SMOC2: variants seen among roughly 807,000 people sequenced by gnomAD.
SMOC2 encodes SPARC related modular calcium binding 2.
In SMOC2, 39 loss-of-function variants were observed where a neutral mutation model predicts 61.4. The observed-to-expected ratio is 0.64, with a 90% CI of 0.49 to 0.83. The LOEUF is 0.83. Ranked by LOEUF, SMOC2 falls within the 40% of genes least tolerant of loss-of-function variation. SMOC2 has a pLI of 0.00. For missense variants in SMOC2, 556 were observed against 592.9 expected (o/e 0.94, Z 0.65); for synonymous variants, 247 against 239.9 (o/e 1.03, Z -0.27).
chr6:168,529,226 C>T (rs186994963), intron 4 of SMOC2, among the ~76,000 whole-genome samples: 231 of 152,252 alleles, frequency 1.5e-3, no homozygotes, highest in Middle Eastern at 3.4e-3. Context: ...TAACTGCCTA[C>T]GTGGAACGTT....
At chr6:168,565,241 T>C (rs1317883989) in intron 7 of SMOC2, among the ~76,000 whole-genome samples, 2 of 152,210 alleles carry the variant, frequency 1.3e-5, no homozygotes, top group African/African-American at 4.8e-5. Context: ...AGGGCTGCTG[T>C]AACAAGTAGC....
rs1378757917 is a variant in SMOC2, at chr6:168,474,895, C to T, written c.84+33441C>T. On this transcript the variant is annotated intron_variant, in intron 1 of 12. Coordinates refer to ENST00000356284, the MANE Select transcript of SMOC2 (RefSeq NM_001166412.2). ...TAAAGAGGTTTTGACTGCTAAACTA[C>T]AGTTTCATACTTATGGGGATGCATT... Among the ~76,000 whole-genome samples, 10 of 152,288 alleles carry T rather than the reference C, an allele frequency of 6.6e-5. No individual in the cohort carries two copies. The East Asian group carries it at 1.7e-3, about 26-fold the overall frequency.
intron 7 of SMOC2, among the ~76,000 whole-genome samples, chr6:168,557,346 C>T (rs1043634205): frequency 1.5e-4 from 23 of 152,100 alleles, no homozygotes; most frequent in Admixed American, 2.6e-4. Context: ...CAAAAATATG[C>T]ATAACTAAAT....
At chr6:168,602,149 ACT>A (rs1169890972) in intron 8 of SMOC2, among the ~76,000 whole-genome samples, 2 of 152,226 alleles carry the variant, frequency 1.3e-5, no homozygotes, top group South Asian at 2.1e-4. Context: ...TGCGGTTTAC[ACT>A]CTTCCAGGGG....
At chr6:168,515,457 C>G (rs1465332442) in intron 2 of SMOC2, among the ~76,000 whole-genome samples, 1 of 27,970 alleles carries the variant, frequency 3.6e-5, no homozygotes, top group East Asian at 0.071. Flanking sequence ...CGTCCGCTTT[C>G]CGCTCCACGA....
chr6:168,653,421 C>G (rs925805602), intron 11 of SMOC2, among the ~76,000 whole-genome samples, 193 bp downstream of exon 11: 1 of 152,236 alleles, frequency 6.6e-6, no homozygotes, highest in Non-Finnish European at 1.5e-5. Context: ...TGCCACTTGC[C>G]CAGGAGAGCC....
intron 9 of SMOC2, among the ~76,000 whole-genome samples, chr6:168,643,251 A>T (rs1786938018): frequency 6.6e-6 from 1 of 152,044 alleles, no homozygotes; most frequent in Admixed American, 6.5e-5. Context: ...ACACTTTAAA[A>T]CAGAAACAAG....
intron 7 of SMOC2, among the ~76,000 whole-genome samples, chr6:168,560,577 T>G (rs372903846): frequency 1.5e-4 from 9 of 58,468 alleles, no homozygotes; most frequent in Admixed American, 1.7e-4. Context: ...ACTGCATTCT[T>G]GGAGGAGGTG....
chr6:168,608,388 A>T, intron 9 of SMOC2, 149 bp downstream of exon 9: 1 of 883,080 alleles, frequency 1.1e-6, no homozygotes, highest in Admixed American at 2.7e-5. Flanking sequence ...GAGGGCCCTG[A>T]GTCCAGGCAG....
At chr6:168,547,516 A>C (rs533063507) in intron 6 of SMOC2, among the ~76,000 whole-genome samples, 1 of 152,162 alleles carries the variant, frequency 6.6e-6, no homozygotes, top group Non-Finnish European at 1.5e-5. Context: ...CGAGGAATCT[A>C]GTTAGTGATG....
intron 2 of SMOC2, among the ~76,000 whole-genome samples, chr6:168,514,246 C>T (rs537861661): frequency 4.1e-5 from 6 of 144,848 alleles, no homozygotes; most frequent in African/African-American, 1.3e-4. Context: ...GACTCAAGGA[C>T]ACACAGCGCC....
At chr6:168,634,948 T>C (rs758521437) in intron 9 of SMOC2, among the ~76,000 whole-genome samples, 9 of 152,238 alleles carry the variant, frequency 5.9e-5, no homozygotes, top group Non-Finnish European at 1.0e-4. Flanking sequence ...ATACATTACT[T>C]TCAGAGGCCA....
chr6:168,556,448 C>A (rs964783885), intron 7 of SMOC2, among the ~76,000 whole-genome samples: 2 of 152,170 alleles, frequency 1.3e-5, no homozygotes, highest in African/African-American at 4.8e-5. Flanking sequence ...CTCGTGGCCT[C>A]GCAGACTGTG....
chr6:168,613,354 G>C (rs1038300393), intron 9 of SMOC2, among the ~76,000 whole-genome samples: 1 of 152,180 alleles, frequency 6.6e-6, no homozygotes, highest in Non-Finnish European at 1.5e-5. Context: ...TGGCACCAGT[G>C]TGAGGACAGA....
At chr6:168,547,948 C>A (rs145667006) in intron 6 of SMOC2, among the ~76,000 whole-genome samples, 1 of 152,124 alleles carries the variant, frequency 6.6e-6, no homozygotes, top group Admixed American at 6.5e-5. Context: ...TTACATTTCA[C>A]GTCTTTACAA....
chr6:168,465,924 G>T (rs1781821539), intron 1 of SMOC2, among the ~76,000 whole-genome samples: 1 of 123,670 alleles, frequency 8.1e-6, no homozygotes, highest in African/African-American at 3.2e-5. Context: ...AGCTGGAACT[G>T]GGGGGCTCTG....
intron 4 of SMOC2, among the ~76,000 whole-genome samples, chr6:168,539,053 C>T (rs1783817230): frequency 6.6e-6 from 1 of 152,166 alleles, no homozygotes; most frequent in African/African-American, 2.4e-5. Context: ...TTGGGCAGTG[C>T]TCAGTAACTG....
In SMOC2 at chr6:168,540,712, C is replaced by A. The variant is rs146415811; in HGVS notation, c.464-2913C>A. 6.7e-4 allele frequency among the ~76,000 whole-genome samples: 102 copies of A among 152,306 alleles called. 1 individual carries two copies. Among genetic ancestry groups the A allele is most frequent in the Middle Eastern group, 3.4e-3 (1 of 294 alleles). On this transcript the variant is annotated intron_variant, in intron 4 of 12. Coordinates refer to ENST00000356284, the MANE Select transcript of SMOC2 (RefSeq NM_001166412.2). Reference sequence around the variant, plus strand: ...AGGAACCTTGAGAAAAGCCCAATAGCACAGAGACGCCGTCTAGACCAGAGA... The same window carrying A: ...AGGAACCTTGAGAAAAGCCCAATAGAACAGAGACGCCGTCTAGACCAGAGA...
At chr6:168,593,417 C>T (rs57628517) in intron 7 of SMOC2, among the ~76,000 whole-genome samples, 1 of 212 alleles carries the variant, frequency 4.7e-3, no homozygotes. Context: ...AGAGGATCTC[C>T]GAGCTCCTCC....
Sources: allele counts gnomAD v4.1 joint callset (sites outside exome capture counted in the v4.1 genomes callset), GRCh38; gene constraint gnomAD v4.1.1; transcripts MANE v1.5; gene names NCBI Gene and HGNC (gene_info 2026-07-23, HGNC 2026-07-21).